Variants in ATAD2B observed in about 807,000 individuals in gnomAD.
ATAD2B encodes ATPase family AAA domain-containing protein 2B.
Under a neutral mutation model 167.6 loss-of-function variants are expected in ATAD2B, and 40 were observed. That is an observed-to-expected ratio of 0.24 (90% CI 0.19 to 0.31). The LOEUF is 0.31. Among genes scored for constraint, ATAD2B ranks in the 10% least tolerant of loss-of-function variants. The pLI, the probability that ATAD2B is intolerant of heterozygous loss-of-function variation, is 1.00. For missense variants in ATAD2B, 1,242 were observed against 1,757.2 expected (o/e 0.71, Z 5.24); for synonymous variants, 579 against 596.5 (o/e 0.97, Z 0.43).
chr2:23,689,037 T>C, the ATAD2B span: 2 of 153,102 alleles, frequency 1.3e-5, no homozygotes, highest in Non-Finnish European at 2.9e-5. Context: ...CTCACAGCTC[T>C]GCAGGCCATG....
the ATAD2B span, among the ~76,000 whole-genome samples, chr2:23,705,328 TA>T: frequency 6.6e-6 from 1 of 152,174 alleles, no homozygotes; most frequent in Non-Finnish European, 1.5e-5. Flanking sequence ...CCGTCTCTAC[TA>T]AAAATACAAA....
At chr2:23,798,754 C>A (rs528870134) in intron 18 of ATAD2B, among the ~76,000 whole-genome samples, 10 of 152,088 alleles carry the variant, frequency 6.6e-5, no homozygotes, top group Non-Finnish European at 1.5e-4. Context: ...TTTTTGAGCA[C>A]CTTGACTAAA....
chr2:23,815,587 G>A (rs1234409272), intron 17 of ATAD2B, among the ~76,000 whole-genome samples: 1 of 152,142 alleles, frequency 6.6e-6, no homozygotes, highest in Non-Finnish European at 1.5e-5. Flanking sequence ...CATTAACACA[G>A]AGATTTTTAA....
At chr2:23,716,271 G>A in the ATAD2B span, among the ~76,000 whole-genome samples, 1 of 152,178 alleles carries the variant, frequency 6.6e-6, no homozygotes. Context: ...AGGAATACTT[G>A]CAAAGTTTCT....
intron 23 of ATAD2B, among the ~76,000 whole-genome samples, chr2:23,764,664 G>A (rs367571069): frequency 6.6e-6 from 1 of 152,148 alleles, no homozygotes; most frequent in African/African-American, 2.4e-5. Context: ...GCCTCTATCA[G>A]ATTAGGTGGT....
At chr2:23,680,763 T>C in the ATAD2B span, among the ~76,000 whole-genome samples, 14,448 of 150,802 alleles carry the variant, frequency 0.096, 766 homozygotes, top group Middle Eastern at 0.17. This position sits in a 1 kb window ranked among gnomAD's most constrained non-coding sequence, Gnocchi z 4.1. Flanking sequence ...CATCTTCTCC[T>C]GGGGTCTCTA....
chr2:23,861,020 G>C (rs1289635912), intron 12 of ATAD2B, among the ~76,000 whole-genome samples: 1 of 151,802 alleles, frequency 6.6e-6, no homozygotes. Context: ...GGGTTTTGGG[G>C]AAAAAAAGTT....
chr2:23,869,683 G>A lies in ATAD2B; in HGVS notation c.1056C>T (p.Ser352=). The change falls in exon 9 of 28, where the codon AGC becomes AGT. Residue 352 remains serine, a synonymous_variant. Coordinates refer to ENST00000238789, the MANE Select transcript of ATAD2B (RefSeq NM_017552.4). The stretch of plus-strand genomic sequence containing the variant: ...CTAACCTATTTCTTGCTCTTGCCAT[G>A]CTCTTTGATTTCCTTCTTTCAAAGC... ...EERFERRKSK[S]MARARNRCLP... is the part of the protein sequence containing the mutation. 1.9e-5 allele frequency: 30 copies of A among 1,564,618 alleles called. No homozygotes were observed. The highest frequency in any genetic ancestry group is 2.5e-5 in the Non-Finnish European group (29 of 1,152,346).
the ATAD2B span, among the ~76,000 whole-genome samples, chr2:23,685,927 G>A: frequency 0.011 from 1,616 of 152,344 alleles, 14 homozygotes; most frequent in Middle Eastern, 0.031. Context: ...AAGGGGGCAG[G>A]TCAGTGCTGA....
the ATAD2B span, among the ~76,000 whole-genome samples, chr2:23,694,519 C>T: frequency 6.6e-6 from 1 of 152,202 alleles, no homozygotes; most frequent in Non-Finnish European, 1.5e-5. Context: ...TCAAACCCCT[C>T]CTCAGTTGCC....
chr2:23,794,666 ATATAT>A (rs552778665), intron 19 of ATAD2B, among the ~76,000 whole-genome samples: 191 of 152,240 alleles, frequency 1.3e-3, no homozygotes, highest in African/African-American at 4.3e-3. Flanking sequence ...CTTGGAAATA[ATATAT>A]TATAAACCAT....
At chr2:23,870,436 G>A (rs2339883) in intron 8 of ATAD2B, among the ~76,000 whole-genome samples, 67,973 of 151,008 alleles carry the variant, frequency 0.45, 16,204 homozygotes, top group East Asian at 0.78. Context: ...GGAGGCACCC[G>A]CCACCACACT....
the ATAD2B span, among the ~76,000 whole-genome samples, chr2:23,712,049 T>C: frequency 6.6e-6 from 1 of 152,168 alleles, no homozygotes; most frequent in Non-Finnish European, 1.5e-5. Flanking sequence ...TTGAGTTTCA[T>C]GCTCATTACG....
chr2:23,845,310 A>G (rs1022722718), intron 13 of ATAD2B, among the ~76,000 whole-genome samples: 1 of 152,172 alleles, frequency 6.6e-6, no homozygotes, highest in Non-Finnish European at 1.5e-5. Context: ...GAAACAACCT[A>G]AATGTCCGTC....
intron 1 of ATAD2B, among the ~76,000 whole-genome samples, chr2:23,900,154 G>A (rs1442564437): frequency 6.6e-6 from 1 of 151,826 alleles, no homozygotes; most frequent in Non-Finnish European, 1.5e-5. Flanking sequence ...CTGACCTCGT[G>A]ATCTGCCAGC....
intron 8 of ATAD2B, 36 bp downstream of exon 8, chr2:23,875,793 C>G (rs1443712884): frequency 2.9e-6 from 4 of 1,398,286 alleles, no homozygotes; most frequent in Non-Finnish European, 4.0e-6. Context: ...CTCTCATTGA[C>G]AAATGCAAAT....
intron 13 of ATAD2B, among the ~76,000 whole-genome samples, chr2:23,840,401 T>C (rs1690693196): frequency 1.3e-5 from 2 of 152,334 alleles, no homozygotes; most frequent in South Asian, 2.1e-4. Context: ...ACCAACTTTA[T>C]TAGTTTTTTT....
Position 23,823,306 on chromosome 2 carries a change from G to C in ATAD2B, c.2083C>G (p.Gln695Glu), listed in dbSNP as rs1687753548. The change falls in exon 16 of 28, where the codon CAA becomes GAA. Residue 695 changes from glutamine (Q) to glutamate (E), a missense_variant. By Grantham distance (29) the Gln-to-Glu change is conservative (BLOSUM62 2). This residue lies in a region of ATAD2B where 145 missense variants were observed against 181.9 expected (regional missense o/e 0.80). Transcript: ENST00000238789. ...ATTTCAGCATGAGGAAACACTTTTTGCAAGACTGCTAGGATGTTGTTGAAG... is the reference window on the plus strand; with the variant it reads ...ATTTCAGCATGAGGAAACACTTTTTCCAAGACTGCTAGGATGTTGTTGAAG... ...RSFNNILAVL[Q>E]KVFPHAEISQ... 1 of 1,611,982 alleles carries C rather than the reference G, an allele frequency of 6.2e-7. No individual in the cohort carries two copies. Among genetic ancestry groups the C allele is most frequent in the South Asian group, 1.1e-5 (1 of 90,816 alleles).
At chr2:23,823,951 A>G (rs971475133) in intron 15 of ATAD2B, among the ~76,000 whole-genome samples, 21 of 152,092 alleles carry the variant, frequency 1.4e-4, no homozygotes, top group African/African-American at 3.9e-4. Context: ...CAGGGTCTCA[A>G]AAAATAAACA....
Sources: allele counts gnomAD v4.1 joint callset (sites outside exome capture counted in the v4.1 genomes callset), GRCh38; gene constraint gnomAD v4.1.1; regional missense constraint gnomAD v4.1.1; non-coding constraint Gnocchi (gnomAD v3.1); transcripts MANE v1.5; gene names NCBI Gene and HGNC (gene_info 2026-07-23, HGNC 2026-07-21).